SCAF8: variants seen among roughly 807,000 people sequenced by gnomAD.
SCAF8 encodes the protein SR-related CTD associated factor 8, also known as SR-related and CTD-associated factor 8.
SCAF8 carries 23 observed loss-of-function variants against 140.5 expected under a neutral mutation model. The observed-to-expected ratio is 0.16, with a 90% CI of 0.12 to 0.23. The LOEUF is 0.23. SCAF8 is among the 10% of genes least tolerant of loss of function. The probability of loss-of-function intolerance (pLI) is 1.00; values close to 1 mark genes in which losing one functional copy is unlikely to be tolerated. For missense variants in SCAF8, 1,397 were observed against 1,555.7 expected, an observed-to-expected ratio of 0.90 and a Z score of 1.72; for synonymous variants, 575 against 528.9, an observed-to-expected ratio of 1.09 and a Z score of -1.20.
At chr6:154,797,442 C>T (rs1777638577) in intron 6 of SCAF8, among the ~76,000 whole-genome samples, 1 of 151,300 alleles carries the variant, frequency 6.6e-6, no homozygotes, top group South Asian at 2.1e-4. Flanking sequence ...GTCACCCAGG[C>T]TGTAGTACAG....
intron 1 of SCAF8, among the ~76,000 whole-genome samples, chr6:154,735,081 C>T (rs1358827180): frequency 6.7e-6 from 1 of 150,344 alleles, no homozygotes; most frequent in African/African-American, 2.5e-5. Context: ...CCGAGATCTG[C>T]GCCACTGCAA....
chr6:154,766,669 C>CCCTTT (rs1554258917), intron 1 of SCAF8, among the ~76,000 whole-genome samples: 9 of 82,410 alleles, frequency 1.1e-4, no homozygotes, highest in East Asian at 4.6e-4. Flanking sequence ...ACCCCCCCCC[C>CCCTTT]TTTTTTTTTT....
intron 15 of SCAF8, among the ~76,000 whole-genome samples, chr6:154,820,747 T>G (rs988616850): frequency 3.9e-5 from 6 of 152,164 alleles, no homozygotes; most frequent in Admixed American, 2.0e-4. Flanking sequence ...TTTAGGGAGT[T>G]CAGATGCATA....
Position 154,733,450 on chromosome 6 carries a change from C to A in SCAF8, c.-451C>A, listed in dbSNP as rs760960294. On this transcript the variant is annotated 5_prime_UTR_variant, in exon 1 of 20. Coordinates refer to ENST00000367178, the MANE Select transcript of SCAF8 (RefSeq NM_014892.5). Reference sequence around the variant, plus strand: ...GCCGCAGCCGCTGCTGCCAGCGCTTCCTCCTCTGTCTTCGCCGAGCGGGGC... The same window carrying A: ...GCCGCAGCCGCTGCTGCCAGCGCTTACTCCTCTGTCTTCGCCGAGCGGGGC... The A allele has an allele frequency of 5.8e-6, 8 of 1,389,012 alleles. No individual in the cohort carries two copies. In the South Asian group the frequency reaches 1.1e-4, roughly 19 times the overall value. 86.0% of individuals were successfully genotyped at this position (1,389,012 alleles called of 1,614,324 possible).
chr6:154,740,867 C>T (rs562527982), intron 1 of SCAF8, among the ~76,000 whole-genome samples: 1 of 151,360 alleles, frequency 6.6e-6, no homozygotes, highest in Non-Finnish European at 1.5e-5. Flanking sequence ...GACCTGCCCA[C>T]CTTGACCTCC....
At chr6:154,768,569 T>C (rs1171703088) in intron 1 of SCAF8, among the ~76,000 whole-genome samples, 1 of 152,246 alleles carries the variant, frequency 6.6e-6, no homozygotes, top group Non-Finnish European at 1.5e-5. Flanking sequence ...TAACATTGTT[T>C]ATGTTTCTCT....
chr6:154,824,411 AT>A, intron 17 of SCAF8, 33 bp downstream of exon 17: 2 of 1,564,712 alleles, frequency 1.3e-6, no homozygotes, highest in Non-Finnish European at 1.8e-6. Context: ...TTTGAACTCT[AT>A]TTAGATTATC....
At chr6:154,737,686 T>C (rs572180259) in intron 1 of SCAF8, among the ~76,000 whole-genome samples, 1 of 152,156 alleles carries the variant, frequency 6.6e-6, no homozygotes, top group South Asian at 2.1e-4. Context: ...CGGGCAACAG[T>C]GCGACCCTGA....
At chr6:154,824,429 G>T in intron 17 of SCAF8, 51 bp downstream of exon 17, 1 of 1,512,226 alleles carries the variant, frequency 6.6e-7, no homozygotes, top group Non-Finnish European at 9.2e-7. Flanking sequence ...TATCATTTAA[G>T]TTGTGTTTCT....
chr6:154,808,196 C>G lies in SCAF8; in HGVS notation c.1108C>G (p.Gln370Glu). 5 of 1,612,566 alleles carry G rather than the reference C, an allele frequency of 3.1e-6. No individual in the cohort carries two copies. Among genetic ancestry groups the G allele is most frequent in the Non-Finnish European group, 4.2e-6 (5 of 1,179,326 alleles). Residue 370 changes from glutamine to glutamate, a missense_variant, in exon 10 of 20, where the codon CAA becomes GAA. Gln to Glu is a conservative substitution (Grantham distance 29, BLOSUM62 2). Transcript: ENST00000367178. ...VNLDDSIDIQ[Q>E]QDMDIDEGQD... ...TTTGGATGATTCCATAGATATTCAG[C>G]AACAGGTAAAAGTAAATGTTTTTCT...
chr6:154,831,669 G>C (rs1233350589), intron 19 of SCAF8, among the ~76,000 whole-genome samples: 2 of 106,498 alleles, frequency 1.9e-5, no homozygotes, highest in African/African-American at 7.4e-5. Context: ...TTTCTTTCCT[G>C]TCCTAAAGCC....
chr6:154,768,512 AATT>A (rs1776646397), intron 1 of SCAF8, among the ~76,000 whole-genome samples: 1 of 151,882 alleles, frequency 6.6e-6, no homozygotes, highest in Non-Finnish European at 1.5e-5. Flanking sequence ...GTGGCTATGA[AATT>A]ATTATACTAG....
chr6:154,802,858 C>A (rs924692091), intron 7 of SCAF8, among the ~76,000 whole-genome samples: 1 of 152,104 alleles, frequency 6.6e-6, no homozygotes, highest in Non-Finnish European at 1.5e-5. Flanking sequence ...AACTTCTCTA[C>A]AACTAGTCAC....
chr6:154,823,476 G>A (rs1361647972), intron 16 of SCAF8, among the ~76,000 whole-genome samples: 2 of 152,154 alleles, frequency 1.3e-5, no homozygotes, highest in African/African-American at 2.4e-5. Context: ...GAGGTAATGA[G>A]AAATGGTCAG....
chr6:154,737,326 C>T (rs905287889), intron 1 of SCAF8, among the ~76,000 whole-genome samples: 1 of 148,280 alleles, frequency 6.7e-6, no homozygotes, highest in Non-Finnish European at 1.5e-5. Flanking sequence ...CAAAATTTAG[C>T]TCTAAGAATA....
intron 2 of SCAF8, among the ~76,000 whole-genome samples, chr6:154,774,676 CATTGT>C (rs574465997): frequency 4.6e-5 from 7 of 151,976 alleles, no homozygotes; most frequent in Non-Finnish European, 8.8e-5. Context: ...AGTTGTGACT[CATTGT>C]ATCAGGTATT....
At chr6:154,813,783 C>T (rs924074461) in intron 12 of SCAF8, among the ~76,000 whole-genome samples, 7 of 151,910 alleles carry the variant, frequency 4.6e-5, no homozygotes, top group African/African-American at 1.5e-4. Context: ...GAAGCAAGTA[C>T]GTTGAAGAGA....
intron 1 of SCAF8, among the ~76,000 whole-genome samples, chr6:154,752,864 G>A (rs1250503764): frequency 3.3e-5 from 5 of 152,166 alleles, no homozygotes; most frequent in African/African-American, 1.2e-4. Flanking sequence ...TGGGATTATA[G>A]GCACTTGCCA....
intron 18 of SCAF8, 71 bp from the exon 19 acceptor site, chr6:154,830,851 A>C: frequency 7.9e-6 from 9 of 1,133,654 alleles, no homozygotes; most frequent in Non-Finnish European, 1.2e-5. Context: ...TTAAATACTC[A>C]GACTGCCAGA....
Sources: gnomAD v4.1 joint callset for allele counts (sites outside exome capture counted in the v4.1 genomes callset) on GRCh38, gnomAD v4.1.1 for gene constraint, MANE v1.5 for transcripts, NCBI Gene and HGNC (gene_info 2026-07-23, HGNC 2026-07-21) for gene names.